Variants in VTI1A observed in about 807,000 individuals in gnomAD.
The protein encoded by VTI1A is vesicle transport through interaction with t-SNAREs homolog 1A.
VTI1A carries 22 observed loss-of-function variants against 34.9 expected under a neutral mutation model. The observed-to-expected ratio is 0.63, with a 90% CI of 0.45 to 0.90. The LOEUF is 0.90. Ranked by LOEUF, VTI1A falls within the 40% of genes least tolerant of loss-of-function variation. The pLI, the probability that VTI1A is intolerant of heterozygous loss-of-function variation, is 0.00. For missense variants in VTI1A, 268 were observed against 275.6 expected (o/e 0.97, Z 0.20); for synonymous variants, 87 against 97.3 (o/e 0.89, Z 0.62).
intron 5 of VTI1A, among the ~76,000 whole-genome samples, chr10:112,591,376 C>T (rs371769609): frequency 2.0e-5 from 3 of 152,054 alleles, no homozygotes; most frequent in African/African-American, 7.2e-5. Context: ...AAAAATTAGC[C>T]GGGTGTGGTG....
intron 7 of VTI1A, among the ~76,000 whole-genome samples, chr10:112,710,585 T>C (rs1849377843): frequency 6.6e-6 from 1 of 152,228 alleles, no homozygotes; most frequent in Non-Finnish European, 1.5e-5. Context: ...ACGTGGTTTA[T>C]ATAAAAGCAT....
intron 7 of VTI1A, among the ~76,000 whole-genome samples, chr10:112,681,001 A>G (rs1416465330): frequency 6.6e-6 from 1 of 152,068 alleles, no homozygotes; most frequent in Non-Finnish European, 1.5e-5. Flanking sequence ...TTATAACCTC[A>G]TCTGCTCATA....
intron 5 of VTI1A, among the ~76,000 whole-genome samples, chr10:112,597,798 C>T (rs369998902): frequency 5.1e-4 from 74 of 143,770 alleles, no homozygotes; most frequent in African/African-American, 1.9e-3. Flanking sequence ...CCCGGGTTCA[C>T]GCCATTCTCC....
intron 5 of VTI1A, among the ~76,000 whole-genome samples, chr10:112,568,691 A>G (rs1851996639): frequency 6.6e-6 from 1 of 152,198 alleles, no homozygotes; most frequent in South Asian, 2.1e-4. Context: ...GCTAAGCATG[A>G]TCAGGTTTGA....
At chr10:112,749,880 A>G (rs1851039073) in intron 7 of VTI1A, among the ~76,000 whole-genome samples, 1 of 152,224 alleles carries the variant, frequency 6.6e-6, no homozygotes, top group Non-Finnish European at 1.5e-5. Context: ...AAGAGGGTCG[A>G]TGCAGTAGCA....
chr10:112,651,852 G>C (rs4918765), intron 5 of VTI1A, among the ~76,000 whole-genome samples: 82,007 of 152,012 alleles, frequency 0.54, 23,740 homozygotes, highest in Non-Finnish European at 0.65. Context: ...ATCCAAGTCT[G>C]TTTTATCAAA....
intron 5 of VTI1A, among the ~76,000 whole-genome samples, chr10:112,567,698 A>T (rs1218459459): frequency 1.3e-5 from 2 of 152,232 alleles, no homozygotes; most frequent in East Asian, 3.8e-4. Flanking sequence ...TTAGTCTGTT[A>T]TTTGTAGAAT....
downstream of VTI1A, among the ~76,000 whole-genome samples, chr10:112,822,292 G>A (rs1157069153): frequency 6.6e-6 from 1 of 152,154 alleles, no homozygotes; most frequent in African/African-American, 2.4e-5. Context: ...TCTGGCTTAG[G>A]GCTGCATGCA....
chr10:112,691,012 A>G (rs930487590), intron 7 of VTI1A, among the ~76,000 whole-genome samples: 1 of 152,168 alleles, frequency 6.6e-6, no homozygotes, highest in African/African-American at 2.4e-5. Context: ...TCACACCTGT[A>G]ATTCCAGCAT....
At chr10:112,619,740 G>A (rs185173265) in intron 5 of VTI1A, among the ~76,000 whole-genome samples, 44 of 152,166 alleles carry the variant, frequency 2.9e-4, no homozygotes, top group Middle Eastern at 3.4e-3. Context: ...CTTCCTTGGA[G>A]TGAGGCTTGG....
intron 7 of VTI1A, among the ~76,000 whole-genome samples, chr10:112,793,838 G>A (rs10885383): frequency 0.55 from 83,324 of 151,966 alleles, 23,063 homozygotes; most frequent in South Asian, 0.67. Context: ...GATGTTTTAC[G>A]ACATCATTGC....
At chr10:112,622,159 G>A (rs183327000) in intron 5 of VTI1A, among the ~76,000 whole-genome samples, 31 of 152,282 alleles carry the variant, frequency 2.0e-4, no homozygotes, top group Admixed American at 9.8e-4. Flanking sequence ...CCATCAAAAT[G>A]TGAGCACAGA....
At chr10:112,653,407 C>A (rs973909944) in intron 5 of VTI1A, among the ~76,000 whole-genome samples, 4 of 152,092 alleles carry the variant, frequency 2.6e-5, no homozygotes, top group African/African-American at 9.7e-5. Context: ...AGTATAGGTC[C>A]AAATTGCGCA....
At position 112,457,055 on chromosome 10, in the gene VTI1A, A is replaced by G. The variant is rs190784004; in HGVS notation, c.95-3469A>G. Reference sequence around the variant, plus strand: ...AGAACCCTAAATGGTAGCTTAACAAAGATTTAGAGAAGAAAAAAACAAGAT... The same window carrying G: ...AGAACCCTAAATGGTAGCTTAACAAGGATTTAGAGAAGAAAAAAACAAGAT... On this transcript the variant is annotated intron_variant, in intron 1 of 7. Coordinates refer to ENST00000393077, the MANE Select transcript of VTI1A (RefSeq NM_145206.4). Among the ~76,000 whole-genome samples, 15 of 152,332 alleles carry G rather than the reference A, an allele frequency of 9.8e-5. No homozygotes were observed. The East Asian group carries it at 2.9e-3, about 29-fold the overall frequency.
At chr10:112,564,067 A>G (rs1239914651) in intron 5 of VTI1A, among the ~76,000 whole-genome samples, 1 of 152,030 alleles carries the variant, frequency 6.6e-6, no homozygotes, top group Non-Finnish European at 1.5e-5. Context: ...GTAAAATCTC[A>G]GTAGTTAATG....
chr10:112,551,243 C>CAAAAAA (rs1161935841), intron 5 of VTI1A, among the ~76,000 whole-genome samples: 3 of 22,062 alleles, frequency 1.4e-4, no homozygotes, highest in Admixed American at 5.1e-4. Context: ...TACTCCATCT[C>CAAAAAA]AAAAAAAAAA....
chr10:112,632,334 A>C (rs79970407), intron 5 of VTI1A, among the ~76,000 whole-genome samples: 2 of 152,274 alleles, frequency 1.3e-5, no homozygotes, highest in East Asian at 1.9e-4. Context: ...GCTTGAACGT[A>C]TGTGGAGTTT....
intron 3 of VTI1A, among the ~76,000 whole-genome samples, chr10:112,498,722 C>T (rs1230223744): frequency 2.0e-5 from 3 of 151,986 alleles, no homozygotes; most frequent in Admixed American, 6.5e-5. Context: ...ATTGAGTGGA[C>T]GCAGTTAGAG....
At chr10:112,594,100 T>G (rs1431743694) in intron 5 of VTI1A, among the ~76,000 whole-genome samples, 1 of 151,860 alleles carries the variant, frequency 6.6e-6, no homozygotes. Context: ...TTTAGTAGAG[T>G]CGGGGTTTCA....
Sources: allele counts gnomAD v4.1 joint callset (sites outside exome capture counted in the v4.1 genomes callset), GRCh38; gene constraint gnomAD v4.1.1; transcripts MANE v1.5; gene names NCBI Gene and HGNC (gene_info 2026-07-23, HGNC 2026-07-21).